Variants in GPC3 observed in about 807,000 individuals in gnomAD.
The protein encoded by GPC3 is glypican 3.
In GPC3, 3 loss-of-function variants were observed where a neutral mutation model predicts 34.4. The observed-to-expected ratio is 0.09, with a 90% CI of 0.04 to 0.23. GPC3 has a LOEUF of 0.23. Among genes scored for constraint, GPC3 ranks in the 10% least tolerant of loss-of-function variants. The probability of loss-of-function intolerance (pLI) is 1.00; values close to 1 mark genes in which losing one functional copy is unlikely to be tolerated. For synonymous variants in GPC3, 177 were observed against 174.0 expected (o/e 1.02, Z -0.13); for missense variants, 351 against 445.6 (o/e 0.79, Z 1.91).
intron 3 of GPC3, among the ~76,000 whole-genome samples, chrX:133,721,523 T>C (rs1172257827): frequency 9.0e-6 from 1 of 111,525 alleles, no homozygotes; most frequent in East Asian, 2.8e-4. Flanking sequence ...GTCCAGAGGC[T>C]TCACTGGTGA....
At chrX:133,935,380 C>T (rs751131666) in intron 2 of GPC3, among the ~76,000 whole-genome samples, 4 of 111,399 alleles carry the variant, frequency 3.6e-5, no homozygotes, top group African/African-American at 6.5e-5. Context: ...AAGTGTGTGG[C>T]GGGGGTTGGA....
intron 2 of GPC3, among the ~76,000 whole-genome samples, chrX:133,756,869 C>T (rs1283665692): frequency 8.9e-6 from 1 of 112,358 alleles, no homozygotes; most frequent in African/African-American, 3.2e-5. Context: ...CAAACCAAGC[C>T]ATAACTGGTC....
Position 133,937,584 on chromosome X carries a change from A to G in GPC3, c.337+15466T>C, listed in dbSNP as rs553252300. 7.7e-4 allele frequency among the ~76,000 whole-genome samples: 85 copies of G among 110,887 alleles called. 2 individuals carry two copies. In the South Asian group the frequency reaches 0.03, roughly 39 times the overall value. ...TTTATTTTTGTAAAAAAAAAAACCT[A>G]CACGTGTGAAATATGCAGGAAAAAA... On this transcript the variant is annotated intron_variant, in intron 2 of 7. Transcript: ENST00000370818.
At chrX:133,809,032 G>A (rs780765158) in intron 2 of GPC3, among the ~76,000 whole-genome samples, 3 of 111,778 alleles carry the variant, frequency 2.7e-5, no homozygotes, top group African/African-American at 6.5e-5. Context: ...TAAGATCAAC[G>A]GTGTGGAAAA....
At chrX:133,812,179 G>A (rs143373620) in intron 2 of GPC3, among the ~76,000 whole-genome samples, 2,109 of 111,457 alleles carry the variant, frequency 0.019, 26 homozygotes, top group Non-Finnish European at 0.025. Context: ...TTTTCAAGCT[G>A]GAGACTGATA....
intron 2 of GPC3, among the ~76,000 whole-genome samples, chrX:133,916,266 T>C (rs764432733): frequency 7.2e-5 from 8 of 111,035 alleles, no homozygotes; most frequent in African/African-American, 2.6e-4. Context: ...TCACAATATA[T>C]TGTTAGGTTG....
At chrX:133,927,218 T>A (rs1603273953) in intron 2 of GPC3, among the ~76,000 whole-genome samples, 1 of 111,594 alleles carries the variant, frequency 9.0e-6, no homozygotes, top group African/African-American at 3.3e-5. Context: ...GCAGCTGTTT[T>A]TTTTTTAAAG....
intron 6 of GPC3, among the ~76,000 whole-genome samples, chrX:133,639,553 G>A (rs1033078161): frequency 9.8e-5 from 11 of 112,017 alleles, no homozygotes; most frequent in African/African-American, 3.6e-4. Flanking sequence ...GCCTGGCATA[G>A]TCCATAAACC....
intron 2 of GPC3, among the ~76,000 whole-genome samples, chrX:133,902,702 G>A (rs549131638): frequency 1.8e-5 from 2 of 111,612 alleles, no homozygotes; most frequent in African/African-American, 6.5e-5. Flanking sequence ...CAACCTGGGT[G>A]ACAGAGCAAG....
chrX:133,770,891 A>T (rs967757318), intron 2 of GPC3, among the ~76,000 whole-genome samples: 3 of 111,561 alleles, frequency 2.7e-5, no homozygotes, highest in African/African-American at 9.8e-5. Context: ...ATCTCACAAT[A>T]AGTTTCTTTC....
chrX:133,553,104 A>C (rs1483473999), intron 7 of GPC3, among the ~76,000 whole-genome samples: 1 of 111,683 alleles, frequency 9.0e-6, no homozygotes, highest in Non-Finnish European at 1.9e-5. Context: ...ACTTTAATTA[A>C]GTAGGGCCAT....
intron 2 of GPC3, among the ~76,000 whole-genome samples, chrX:133,944,704 C>T (rs2076359953): frequency 9.0e-6 from 1 of 111,704 alleles, no homozygotes; most frequent in Admixed American, 9.5e-5. Flanking sequence ...TGTATATGTG[C>T]CAGATATGTG....
intron 2 of GPC3, among the ~76,000 whole-genome samples, chrX:133,844,478 C>A (rs1237680427): frequency 3.6e-5 from 4 of 111,294 alleles, no homozygotes; most frequent in African/African-American, 1.3e-4. Flanking sequence ...ACTTATTCTT[C>A]GTAAGAAAAA....
At chrX:133,808,479 A>G (rs760977038) in intron 2 of GPC3, among the ~76,000 whole-genome samples, 6 of 112,099 alleles carry the variant, frequency 5.4e-5, no homozygotes, top group Non-Finnish European at 1.1e-4. Context: ...AAGAAATTCA[A>G]TATAAGAACA....
intron 2 of GPC3, among the ~76,000 whole-genome samples, chrX:133,810,173 G>A (rs1167765540): frequency 1.8e-5 from 2 of 112,223 alleles, no homozygotes; most frequent in African/African-American, 6.5e-5. Context: ...AGGAGAAACT[G>A]TACTCCATTG....
At position 133,716,475 on chromosome X, in the gene GPC3, C is replaced by G. The variant is rs756140087; in HGVS notation, c.1033-16447G>C. The stretch of plus-strand genomic sequence containing the variant: ...TTGATAGGCAAAAAGATAGAAATTA[C>G]TTTTTTTTAAGAAGAACCAAATAGA... On this transcript the variant is annotated intron_variant, in intron 3 of 7. Coordinates refer to ENST00000370818, the MANE Select transcript of GPC3 (RefSeq NM_004484.4). Among the ~76,000 whole-genome samples the G allele has an allele frequency of 7.2e-5, 8 of 111,113 alleles. 1 individual carries two copies. In the South Asian group the frequency reaches 3.0e-3, roughly 42 times the overall value.
chrX:133,539,049 CT>C (rs2069320523), intron 7 of GPC3, among the ~76,000 whole-genome samples: 1 of 106,806 alleles, frequency 9.4e-6, no homozygotes, highest in African/African-American at 3.4e-5. Flanking sequence ...CTCTTGGGCC[CT>C]GTATTTTTTA....
chrX:133,862,953 C>T (rs1480034934), intron 2 of GPC3, among the ~76,000 whole-genome samples: 1 of 112,808 alleles, frequency 8.9e-6, no homozygotes, highest in Non-Finnish European at 1.9e-5. Context: ...AGCCGTTGCT[C>T]ACACAACATC....
chrX:133,827,944 C>CAAAAAAAAAAAAA (rs760699432), intron 2 of GPC3, among the ~76,000 whole-genome samples: 1 of 36,043 alleles, frequency 2.8e-5, no homozygotes, highest in Non-Finnish European at 4.6e-5. Flanking sequence ...AACTCCATCC[C>CAAAAAAAAAAAAA]AAAAAAAAAA....
Sources: gnomAD v4.1 joint callset for allele counts (sites outside exome capture counted in the v4.1 genomes callset) on GRCh38, gnomAD v4.1.1 for gene constraint, MANE v1.5 for transcripts, NCBI Gene and HGNC (gene_info 2026-07-23, HGNC 2026-07-21) for gene names.